TMEM19: variants seen among roughly 807,000 people sequenced by gnomAD.
TMEM19 encodes transmembrane protein 19.
Under a neutral mutation model 33.6 loss-of-function variants are expected in TMEM19, and 21 were observed. That is an observed-to-expected ratio of 0.62 (90% CI 0.44 to 0.90). The LOEUF (loss-of-function observed/expected upper bound fraction) is 0.90, where lower values mean the gene tolerates loss of function less well. Among genes scored for constraint, TMEM19 ranks in the 40% least tolerant of loss-of-function variants. The probability of loss-of-function intolerance (pLI) is 0.00; values close to 1 mark genes in which losing one functional copy is unlikely to be tolerated. For synonymous variants in TMEM19, 149 were observed against 147.5 expected (o/e 1.01, Z -0.07); for missense variants, 402 against 401.8 (o/e 1.00, Z 0.00).
Position 71,704,156 on chromosome 12 carries a change from T to C in TMEM19, c.*3161T>C, listed in dbSNP as rs1882033675. On this transcript the variant is annotated 3_prime_UTR_variant, in exon 6 of 6. Transcript: ENST00000266673. ...GAAGAAGACTTGCAGGAGTAGCATG[T>C]TGAAAACTCATTAAATGGAGCCACC... 1.7e-5 allele frequency: 4 copies of C among 237,854 alleles called. No individual in the cohort carries two copies. In the South Asian group the frequency reaches 1.8e-4, roughly 11 times the overall value. 14.7% of individuals were successfully genotyped at this position (237,854 alleles called of 1,614,324 possible). A position where few individuals can be genotyped will look rare whatever the true frequency, so the allele number is the denominator to read the frequency against.
At chr12:71,692,508 A>T (rs1881801863) in intron 2 of TMEM19, among the ~76,000 whole-genome samples, 1 of 152,222 alleles carries the variant, frequency 6.6e-6, no homozygotes, top group African/African-American at 2.4e-5. Context: ...ATTGAATAGG[A>T]TTCAAATCTC....
At chr12:71,697,652 CTTTA>C (rs1205271967) in intron 4 of TMEM19, 118 bp downstream of exon 4, 7 of 1,276,678 alleles carry the variant, frequency 5.5e-6, no homozygotes, top group African/African-American at 1.6e-5. Flanking sequence ...CTTTTAAGAA[CTTTA>C]TTTAGTCTCT....
chr12:71,698,608 AGAGAGAGAGAGAGAG>A (rs1158073843), intron 4 of TMEM19, among the ~76,000 whole-genome samples: 1 of 1,636 alleles, frequency 6.1e-4, no homozygotes, highest in Non-Finnish European at 1.2e-3. Context: ...GTCTCTGAAA[AGAGAGAGAGAGAGAG>A]AGAGAGAGAG....
At chr12:71,695,064 A>T (rs917802906) in intron 2 of TMEM19, among the ~76,000 whole-genome samples, 3 of 152,168 alleles carry the variant, frequency 2.0e-5, no homozygotes. Context: ...ATATATATGA[A>T]CCCCTTATCA....
chr12:71,693,577 G>T (rs1384046684), intron 2 of TMEM19, among the ~76,000 whole-genome samples: 1 of 152,150 alleles, frequency 6.6e-6, no homozygotes, highest in African/African-American at 2.4e-5. Flanking sequence ...AAAATGCTTA[G>T]CACAGTACTT....
At chr12:71,692,897 T>TA (rs991075303) in intron 2 of TMEM19, among the ~76,000 whole-genome samples, 34 of 147,348 alleles carry the variant, frequency 2.3e-4, no homozygotes, top group East Asian at 1.6e-3. Context: ...TTCTTTTTTG[T>TA]AAAAAAAAAA....
In TMEM19 at chr12:71,686,395, T is replaced by G; in HGVS notation, c.-286T>G. 3.3e-6 allele frequency: 1 copy of G among 300,990 alleles called. No individual in the cohort carries two copies. The highest frequency in any genetic ancestry group is 6.2e-6 in the Non-Finnish European group (1 of 161,998). The allele number at this position is 300,990 out of a possible 1,614,324, so 18.6% of individuals were successfully genotyped here. A position where few individuals can be genotyped will look rare whatever the true frequency, so the allele number is the denominator to read the frequency against. ...TCTCTTTTCCCCGTGGGCTCCGGCG[T>G]GAGGCGCTGAAGCGGCCGGCAGCCG... On this transcript the variant is annotated 5_prime_UTR_variant, in exon 1 of 6. Coordinates refer to ENST00000266673, the MANE Select transcript of TMEM19 (RefSeq NM_018279.4).
In TMEM19 at chr12:71,701,821, A is replaced by G. The variant is rs909261779; in HGVS notation, c.*826A>G. 7 of 152,212 alleles carry G rather than the reference A, an allele frequency of 4.6e-5. No homozygotes were observed. The allele number at this position is 152,212 out of a possible 1,614,324, so 9.4% of individuals were successfully genotyped here. A position where few individuals can be genotyped will look rare whatever the true frequency, so the allele number is the denominator to read the frequency against. On this transcript the variant is annotated 3_prime_UTR_variant, in exon 6 of 6. Coordinates refer to ENST00000266673, the MANE Select transcript of TMEM19 (RefSeq NM_018279.4). ...TTTAGCACTGGCATCCTGAACAGTT[A>G]AGAGTCACTGGGAAATTATTGTATT...
chr12:71,700,775 GA>G (rs1363902192), intron 5 of TMEM19, 56 bp from the exon 6 acceptor site: 36 of 1,291,952 alleles, frequency 2.8e-5, no homozygotes, highest in South Asian at 1.9e-5. Flanking sequence ...AGAAAGAAAA[GA>G]AAAAAAATGA....
Position 71,703,131 on chromosome 12 carries a change from T to G in TMEM19, c.*2136T>G, listed in dbSNP as rs1447740260. 7.8e-6 allele frequency: 1 copy of G among 128,604 alleles called. No homozygotes were observed. Among genetic ancestry groups the G allele is most frequent in the Non-Finnish European group, 1.5e-5 (1 of 64,798 alleles). 8.0% of individuals were successfully genotyped at this position (128,604 alleles called of 1,614,324 possible). ...TGTGGAGGTTGCAGTGAGCCAAGAT[T>G]GCACCACTGTACTCCAGCCTGGGCA... On this transcript the variant is annotated 3_prime_UTR_variant, in exon 6 of 6. Transcript: ENST00000266673.
rs998729104 is a variant in TMEM19 at position 71,704,254 on chromosome 12, C to T, written c.*3259C>T. 2.7e-5 allele frequency: 5 copies of T among 188,060 alleles called. No homozygotes were observed. The highest frequency in any genetic ancestry group is 5.5e-5 in the Admixed American group (1 of 18,040). The allele number at this position is 188,060 out of a possible 1,614,324, so 11.6% of individuals were successfully genotyped here. A position where few individuals can be genotyped will look rare whatever the true frequency, so the allele number is the denominator to read the frequency against. On this transcript the variant is annotated 3_prime_UTR_variant, in exon 6 of 6. Transcript: ENST00000266673. ...CTCATTACTTGAGTTATCTGTTTCT[C>T]ACATATATCTTTCCTGTTTCTAGCT...
chr12:71,703,920 T>C lies in TMEM19; in HGVS notation c.*2925T>C, dbSNP rs937625209. ...TTGTTAAGTCTTACATGTATTTTACTGTAACATCTTTTGAATTGGATATTT... is the reference window on the plus strand; with the variant it reads ...TTGTTAAGTCTTACATGTATTTTACCGTAACATCTTTTGAATTGGATATTT... On this transcript the variant is annotated 3_prime_UTR_variant, in exon 6 of 6. Coordinates refer to ENST00000266673, the MANE Select transcript of TMEM19 (RefSeq NM_018279.4). 7.7e-5 allele frequency: 29 copies of C among 375,768 alleles called. No homozygotes were observed. The highest frequency in any genetic ancestry group is 5.3e-4 in the South Asian group (27 of 51,050). The allele number at this position is 375,768 out of a possible 1,614,324, so 23.3% of individuals were successfully genotyped here.
At chr12:71,692,536 C>A (rs1881802226) in intron 2 of TMEM19, among the ~76,000 whole-genome samples, 2 of 152,204 alleles carry the variant, frequency 1.3e-5, no homozygotes. Flanking sequence ...CATTTATTTG[C>A]TGCCAGCCCT....
intron 1 of TMEM19, among the ~76,000 whole-genome samples, chr12:71,688,179 T>C (rs1193612357): frequency 1.3e-5 from 2 of 152,218 alleles, no homozygotes. Context: ...TAGTTTTCAT[T>C]TCCAGAAATA....
chr12:71,689,570 T>C (rs757762140), intron 1 of TMEM19, 21 bp from the exon 2 acceptor site: 20 of 1,598,072 alleles, frequency 1.3e-5, no homozygotes, highest in Non-Finnish European at 1.6e-5. Context: ...CAATTTGTGC[T>C]CCACCTTTAT....
At position 71,701,852 on chromosome 12, in the gene TMEM19, A is replaced by G. The variant is rs922074289; in HGVS notation, c.*857A>G. The G allele has an allele frequency of 3.9e-5, 6 of 152,150 alleles. No homozygotes were observed. Among genetic ancestry groups the G allele is most frequent in the African/African-American group, 7.2e-5 (3 of 41,430 alleles). The allele number at this position is 152,150 out of a possible 1,614,324, so 9.4% of individuals were successfully genotyped here. ...CACTGGGAAATTATTGTATTTCTTTATAAATTTACTGTCATATCAATTGCT... is the reference window on the plus strand; with the variant it reads ...CACTGGGAAATTATTGTATTTCTTTGTAAATTTACTGTCATATCAATTGCT... On this transcript the variant is annotated 3_prime_UTR_variant, in exon 6 of 6. Coordinates refer to ENST00000266673, the MANE Select transcript of TMEM19 (RefSeq NM_018279.4).
chr12:71,699,363 T>C (rs1221450109), intron 5 of TMEM19: 1 of 571,644 alleles, frequency 1.7e-6, no homozygotes, highest in Non-Finnish European at 3.1e-6. Context: ...GAACAGACGT[T>C]TTTGTGTGAG....
chr12:71,696,648 TTTTTG>T, intron 3 of TMEM19, 75 bp downstream of exon 3: 3 of 1,352,170 alleles, frequency 2.2e-6, no homozygotes, highest in Non-Finnish European at 2.0e-6. Context: ...TTTGTTTTTG[TTTTTG>T]TTTTTTTTTT....
At position 71,701,034 on chromosome 12, in the gene TMEM19, A is replaced by G. The variant is rs778870208; in HGVS notation, c.*39A>G. On this transcript the variant is annotated 3_prime_UTR_variant, in exon 6 of 6. Coordinates refer to ENST00000266673, the MANE Select transcript of TMEM19 (RefSeq NM_018279.4). Reference sequence around the variant, plus strand: ...TCCACAGGTTGAAACTGGTGAGTCCAGCTAAATTTGCAATTCCAACTTTCA... The same window carrying G: ...TCCACAGGTTGAAACTGGTGAGTCCGGCTAAATTTGCAATTCCAACTTTCA... 6.6e-6 allele frequency: 10 copies of G among 1,505,806 alleles called. No individual in the cohort carries two copies. The highest frequency in any genetic ancestry group is 8.9e-6 in the Non-Finnish European group (10 of 1,123,358). 93.3% of individuals were successfully genotyped at this position (1,505,806 alleles called of 1,614,324 possible).
Sources: allele counts gnomAD v4.1 joint callset (sites outside exome capture counted in the v4.1 genomes callset), GRCh38; gene constraint gnomAD v4.1.1; transcripts MANE v1.5; gene names NCBI Gene and HGNC (gene_info 2026-07-23, HGNC 2026-07-21).